NTNG1: variants seen among roughly 807,000 people sequenced by gnomAD.
NTNG1 encodes netrin G1.
A neutral mutation model predicts 54.0 loss-of-function variants in NTNG1; 16 were observed. That is an observed-to-expected ratio of 0.30 (90% CI 0.20 to 0.45). The LOEUF (loss-of-function observed/expected upper bound fraction) is 0.45. Among genes scored for constraint, NTNG1 ranks in the 20% least tolerant of loss-of-function variants. The probability of loss-of-function intolerance (pLI) is 1.00; values close to 1 mark genes in which losing one functional copy is unlikely to be tolerated. For missense variants in NTNG1, 530 were observed against 678.7 expected (o/e 0.78, Z 2.43); for synonymous variants, 255 against 263.1 (o/e 0.97, Z 0.30).
chr1:107,360,621 A>G (rs1670205844), intron 3 of NTNG1, among the ~76,000 whole-genome samples: 1 of 152,208 alleles, frequency 6.6e-6, no homozygotes, highest in Admixed American at 6.5e-5. Flanking sequence ...GTACATAAAT[A>G]ATTTATTTGA....
At chr1:107,194,941 C>G (rs1020171941) in intron 2 of NTNG1, among the ~76,000 whole-genome samples, 2 of 151,880 alleles carry the variant, frequency 1.3e-5, no homozygotes, top group African/African-American at 4.8e-5. Context: ...AAAAAAAGGC[C>G]TTCCAAGTTT....
intron 3 of NTNG1, among the ~76,000 whole-genome samples, chr1:107,391,255 T>C (rs1396071029): frequency 2.0e-5 from 3 of 152,138 alleles, no homozygotes; most frequent in African/African-American, 7.2e-5. Flanking sequence ...TTGGACTCTA[T>C]CCTGAAAATA....
At chr1:107,201,147 A>G (rs1227022808) in intron 2 of NTNG1, among the ~76,000 whole-genome samples, 1 of 151,866 alleles carries the variant, frequency 6.6e-6, no homozygotes, top group East Asian at 1.9e-4. Flanking sequence ...TATCCTCTGA[A>G]TGTATAGTAT....
chr1:107,224,049 C>G (rs771228248), intron 2 of NTNG1, among the ~76,000 whole-genome samples: 2 of 152,146 alleles, frequency 1.3e-5, no homozygotes, highest in Non-Finnish European at 2.9e-5. Flanking sequence ...ATTTGATCCC[C>G]TAATGGACCA....
At chr1:107,234,545 C>G (rs1052575352) in intron 2 of NTNG1, among the ~76,000 whole-genome samples, 3 of 152,142 alleles carry the variant, frequency 2.0e-5, no homozygotes, top group African/African-American at 7.2e-5. Flanking sequence ...TTGATCCACG[C>G]AGCCATTTCA....
At chr1:107,271,289 G>T (rs1369589849) in intron 2 of NTNG1, among the ~76,000 whole-genome samples, 1 of 152,084 alleles carries the variant, frequency 6.6e-6, no homozygotes, top group Non-Finnish European at 1.5e-5. Flanking sequence ...ATGCTGCTGT[G>T]CTGCACCCAT....
intron 2 of NTNG1, among the ~76,000 whole-genome samples, chr1:107,290,340 A>C (rs1316865577): frequency 6.6e-6 from 1 of 152,192 alleles, no homozygotes; most frequent in East Asian, 1.9e-4. Flanking sequence ...AGAGCAGTAC[A>C]TGTAGAAGAG....
At chr1:107,154,975 G>A (rs182421899) in intron 2 of NTNG1, among the ~76,000 whole-genome samples, 8 of 152,096 alleles carry the variant, frequency 5.3e-5, no homozygotes, top group Admixed American at 3.9e-4. Context: ...TGAATGCTTT[G>A]CAGTGGAATA....
At chr1:107,192,516 T>C (rs1658037177) in intron 2 of NTNG1, among the ~76,000 whole-genome samples, 1 of 152,170 alleles carries the variant, frequency 6.6e-6, no homozygotes, top group East Asian at 1.9e-4. Flanking sequence ...TGCCAGTATC[T>C]GGAGATTCTT....
intron 2 of NTNG1, among the ~76,000 whole-genome samples, chr1:107,229,243 A>G (rs1660894109): frequency 6.6e-6 from 1 of 151,150 alleles, no homozygotes; most frequent in African/African-American, 2.4e-5. Context: ...TTTGCTCAAT[A>G]TGTACATGTC....
chr1:107,312,693 A>G (rs929006475), intron 2 of NTNG1, among the ~76,000 whole-genome samples: 8 of 152,146 alleles, frequency 5.3e-5, no homozygotes, highest in African/African-American at 1.9e-4. Context: ...GTTTATTCAA[A>G]CAGAATTCCT....
chr1:107,208,441 A>G (rs555224184), intron 2 of NTNG1, among the ~76,000 whole-genome samples: 9 of 149,760 alleles, frequency 6.0e-5, no homozygotes, highest in African/African-American at 2.0e-4. Flanking sequence ...AAAAAAAAAA[A>G]AAAGAAAGAA....
chr1:107,198,821 T>C (rs1467213725), intron 2 of NTNG1, among the ~76,000 whole-genome samples: 1 of 151,862 alleles, frequency 6.6e-6, no homozygotes, highest in Non-Finnish European at 1.5e-5. Flanking sequence ...ACGCAGGCTT[T>C]CCAAATCCCC....
At chr1:107,426,839 G>A (rs1674937137) in intron 5 of NTNG1, among the ~76,000 whole-genome samples, 1 of 151,932 alleles carries the variant, frequency 6.6e-6, no homozygotes, top group South Asian at 2.1e-4. Flanking sequence ...ATTAATTTGT[G>A]TTGTCTACAA....
chr1:107,431,734 C>T (rs1377763822), intron 6 of NTNG1, among the ~76,000 whole-genome samples: 1 of 152,104 alleles, frequency 6.6e-6, no homozygotes, highest in African/African-American at 2.4e-5. Context: ...AATTTCACTT[C>T]ATAATTCACT....
At chr1:107,246,720 T>G (rs1447582051) in intron 2 of NTNG1, among the ~76,000 whole-genome samples, 2 of 152,154 alleles carry the variant, frequency 1.3e-5, no homozygotes, top group Non-Finnish European at 2.9e-5. Flanking sequence ...TATAGTAAGT[T>G]ATAAAAAATG....
chr1:107,169,053 G>T (rs973395226), intron 2 of NTNG1, among the ~76,000 whole-genome samples: 10 of 152,022 alleles, frequency 6.6e-5, no homozygotes, highest in African/African-American at 2.4e-4. Context: ...CATAGTCTTT[G>T]AATCAAATTC....
At chr1:107,199,575 C>G (rs12128734) in intron 2 of NTNG1, among the ~76,000 whole-genome samples, 6,796 of 151,942 alleles carry the variant, frequency 0.045, 154 homozygotes, top group Non-Finnish European at 0.052. Flanking sequence ...TGAATGTCTT[C>G]TAGATGTGTT....
intron 7 of NTNG1, 36 bp from the exon 8 acceptor site, chr1:107,480,575 C>CAAAA: frequency 2.0e-6 from 1 of 512,238 alleles, no homozygotes; most frequent in Non-Finnish European, 3.8e-6. Context: ...CTCCTCCCCG[C>CAAAA]GCCCACCCAC....
Sources: allele counts gnomAD v4.1 joint callset (sites outside exome capture counted in the v4.1 genomes callset), GRCh38; gene constraint gnomAD v4.1.1; transcripts MANE v1.5; gene names NCBI Gene and HGNC (gene_info 2026-07-23, HGNC 2026-07-21).